The following LRBA variants were observed in gnomAD, a reference collection of about 807,000 sequenced individuals.
LRBA encodes the protein lipopolysaccharide-responsive and beige-like anchor protein.
Under a neutral mutation model 330.0 loss-of-function variants are expected in LRBA, and 176 were observed. That is an observed-to-expected ratio of 0.53 (90% CI 0.47 to 0.60). LRBA has a LOEUF of 0.60. LRBA is among the 20% of genes least tolerant of loss of function. LRBA has a pLI of 0.00. For missense variants in LRBA, 3,259 were observed against 3,444.8 expected, an observed-to-expected ratio of 0.95 and a Z score of 1.35; for synonymous variants, 1,230 against 1,193.0, an observed-to-expected ratio of 1.03 and a Z score of -0.64.
chr4:150,304,546 C>G (rs1305575697), intron 52 of LRBA, among the ~76,000 whole-genome samples: 1 of 152,090 alleles, frequency 6.6e-6, no homozygotes, highest in South Asian at 2.1e-4. Context: ...AAGCAAGTGT[C>G]TCTAGCTGCT....
intron 36 of LRBA, among the ~76,000 whole-genome samples, chr4:150,703,963 G>A (rs1323399502): frequency 6.6e-6 from 1 of 152,028 alleles, no homozygotes; most frequent in Non-Finnish European, 1.5e-5. Flanking sequence ...CCAGCAATTG[G>A]AGAGGCCAAG....
In LRBA at chr4:150,850,902, T is replaced by G; in HGVS notation, c.3826A>C (p.Ile1276Leu). 2.5e-6 allele frequency: 4 copies of G among 1,595,898 alleles called. No homozygotes were observed. The highest frequency in any genetic ancestry group is 3.4e-6 in the Non-Finnish European group (4 of 1,173,472). The change falls in exon 24 of 57, where the codon ATA becomes CTA. Residue 1276 changes from isoleucine (I) to leucine (L), a missense_variant and splice_region_variant. Transcript: ENST00000651943. ...APQPHRHVLE[I>L]SRQHEQPGQG... ...CCTGGCTGCTCATGTTGCCTTGATA[T>G]CTAATACAGAAATTTAAAAAGTAAT...
chr4:150,565,366 G>A (rs797022053), intron 40 of LRBA, among the ~76,000 whole-genome samples: 4 of 152,222 alleles, frequency 2.6e-5, no homozygotes, highest in African/African-American at 9.6e-5. Context: ...AGGGGAGGAA[G>A]AGTATGAGGA....
chr4:151,009,983 AAAAT>A (rs70941466), intron 2 of LRBA, among the ~76,000 whole-genome samples: 12 of 150,974 alleles, frequency 7.9e-5, no homozygotes, highest in South Asian at 2.1e-4. Flanking sequence ...CCATCTCAAA[AAAAT>A]AAATAAATAA....
At chr4:150,946,533 G>C (rs903550542) in intron 2 of LRBA, among the ~76,000 whole-genome samples, 5 of 152,104 alleles carry the variant, frequency 3.3e-5, no homozygotes, top group African/African-American at 1.2e-4. Context: ...TGTGTCAAAA[G>C]AGGAAGTCTC....
intron 2 of LRBA, among the ~76,000 whole-genome samples, chr4:150,988,921 T>C (rs1741757235): frequency 6.6e-6 from 1 of 151,980 alleles, no homozygotes; most frequent in African/African-American, 2.4e-5. Context: ...AAATGAGTTT[T>C]TATTGGCTGT....
intron 2 of LRBA, among the ~76,000 whole-genome samples, chr4:150,972,269 A>G (rs1266986370): frequency 1.3e-5 from 2 of 152,206 alleles, no homozygotes; most frequent in Non-Finnish European, 2.9e-5. Flanking sequence ...TATTTAAGCC[A>G]GTATTTAAAT....
chr4:150,559,475 C>T (rs565027042), intron 40 of LRBA, among the ~76,000 whole-genome samples: 10 of 145,554 alleles, frequency 6.9e-5, no homozygotes, highest in Non-Finnish European at 1.0e-4. Flanking sequence ...GCAGGAGAAT[C>T]GCTTGAACCC....
chr4:150,810,305 A>G (rs903554221), intron 31 of LRBA, among the ~76,000 whole-genome samples: 1 of 152,328 alleles, frequency 6.6e-6, no homozygotes, highest in East Asian at 1.9e-4. Flanking sequence ...TAACCTCTGG[A>G]TAATTACTGA....
chr4:150,529,586 C>A (rs372857286), intron 40 of LRBA, among the ~76,000 whole-genome samples: 1 of 152,022 alleles, frequency 6.6e-6, no homozygotes, highest in South Asian at 2.1e-4. Context: ...CATGGTGGTG[C>A]GTGCCTGTAA....
chr4:150,549,886 G>C (rs1687451273), intron 40 of LRBA, among the ~76,000 whole-genome samples: 1 of 152,168 alleles, frequency 6.6e-6, no homozygotes, highest in South Asian at 2.1e-4. Flanking sequence ...TGAGTATCAG[G>C]GTTGAGTACT....
chr4:150,950,211 T>C (rs1736681431), intron 2 of LRBA, among the ~76,000 whole-genome samples: 1 of 152,292 alleles, frequency 6.6e-6, no homozygotes, highest in East Asian at 1.9e-4. Flanking sequence ...CAGTGACATA[T>C]TTCAAAAATC....
intron 47 of LRBA, among the ~76,000 whole-genome samples, chr4:150,352,893 ATTAATGCATGACAAACAT>A (rs2151824380): frequency 6.6e-6 from 1 of 152,346 alleles, no homozygotes; most frequent in East Asian, 1.9e-4. Context: ...CTCATGTCAC[ATTAATGCATGACAAACAT>A]TAAACCATAC....
chr4:150,590,129 T>G (rs1772623539), intron 39 of LRBA, among the ~76,000 whole-genome samples: 1 of 152,212 alleles, frequency 6.6e-6, no homozygotes, highest in South Asian at 2.1e-4. Flanking sequence ...AAAAGCCATT[T>G]AATGAATGAC....
In LRBA at chr4:150,680,334, T is replaced by C. The variant is rs567051064; in HGVS notation, c.5921+3217A>G. Among the ~76,000 whole-genome samples the C allele has an allele frequency of 1.9e-3, 289 of 152,192 alleles. 3 individuals carry two copies. Among genetic ancestry groups the C allele is most frequent in the African/African-American group, 6.7e-3 (277 of 41,530 alleles). Reference sequence around the variant, plus strand: ...TACTTTCCTTTACTTACCAATGCAATAGTCTAGGCATCAAAGAAAAAAGAG... The same window carrying C: ...TACTTTCCTTTACTTACCAATGCAACAGTCTAGGCATCAAAGAAAAAAGAG... On this transcript the variant is annotated intron_variant, in intron 37 of 56. Coordinates refer to ENST00000651943, the MANE Select transcript of LRBA (RefSeq NM_001364905.1).
Position 150,918,656 on chromosome 4 carries a change from A to T in LRBA, c.646-1918T>A, listed in dbSNP as rs923317039. On this transcript the variant is annotated intron_variant, in intron 5 of 56. Transcript: ENST00000651943. ...TCCCAGCTACTCAGGAAGCTGAGACACAAGAATCGCTTGAACCGGGAGGCA... is the reference window on the plus strand; with the variant it reads ...TCCCAGCTACTCAGGAAGCTGAGACTCAAGAATCGCTTGAACCGGGAGGCA... Among the ~76,000 whole-genome samples, 4 of 152,206 alleles carry T rather than the reference A, an allele frequency of 2.6e-5. No homozygotes were observed. The East Asian group carries it at 7.7e-4, about 29-fold the overall frequency.
At chr4:150,450,704 A>G (rs1753241472) in intron 44 of LRBA, among the ~76,000 whole-genome samples, 4 of 152,168 alleles carry the variant, frequency 2.6e-5, no homozygotes, top group African/African-American at 7.2e-5. Flanking sequence ...CATAACATGT[A>G]CCCAAAAATA....
chr4:150,750,807 T>TA (rs1465277005), intron 35 of LRBA, among the ~76,000 whole-genome samples: 3 of 151,060 alleles, frequency 2.0e-5, no homozygotes, highest in African/African-American at 7.4e-5. Context: ...GAATATCTTA[T>TA]AAACATTCTA....
intron 22 of LRBA, among the ~76,000 whole-genome samples, chr4:150,862,692 A>G (rs1157043079): frequency 6.6e-6 from 1 of 151,244 alleles, no homozygotes; most frequent in African/African-American, 2.4e-5. Flanking sequence ...AAAAAAAAAA[A>G]AAGTCCAGGT....
Sources: allele counts gnomAD v4.1 joint callset (sites outside exome capture counted in the v4.1 genomes callset), GRCh38; gene constraint gnomAD v4.1.1; transcripts MANE v1.5; gene names NCBI Gene and HGNC (gene_info 2026-07-23, HGNC 2026-07-21).